Variants in CACNA1A observed in about 807,000 individuals in gnomAD.
CACNA1A encodes voltage-dependent P/Q-type calcium channel subunit alpha-1A.
In CACNA1A, 57 loss-of-function variants were observed where a neutral mutation model predicts 262.4. The ratio of observed to expected loss-of-function variants is 0.22; its 90% confidence interval spans 0.18 to 0.27. The LOEUF is 0.27. Ranked by LOEUF, CACNA1A falls within the 10% of genes least tolerant of loss-of-function variation. The pLI, the probability that CACNA1A is intolerant of heterozygous loss-of-function variation, is 1.00. For synonymous variants in CACNA1A, 1,431 were observed against 1,419.3 expected, an observed-to-expected ratio of 1.01 and a Z score of -0.18; for missense variants, 2,526 against 3,562.8, an observed-to-expected ratio of 0.71 and a Z score of 7.41.
At chr19:13,235,111 T>C (rs2055829733) in intron 33 of CACNA1A, 75 bp from the exon 34 acceptor site, 14 of 1,539,326 alleles carry the variant, frequency 9.1e-6, no homozygotes, top group Middle Eastern at 1.7e-4. Flanking sequence ...TCAACCTCCA[T>C]GGCTGCTTCT....
chr19:13,268,465 G>A (rs946738849), intron 24 of CACNA1A, among the ~76,000 whole-genome samples: 13 of 145,728 alleles, frequency 8.9e-5, no homozygotes, highest in Admixed American at 6.3e-4. Flanking sequence ...ACGGAGTCTC[G>A]CTCTGTCGCC....
At chr19:13,477,796 T>G (rs1978735150) in intron 1 of CACNA1A, among the ~76,000 whole-genome samples, 1 of 152,222 alleles carries the variant, frequency 6.6e-6, no homozygotes, top group Admixed American at 6.5e-5. Flanking sequence ...TGCCTTCAAC[T>G]ATGATCTGAA....
chr19:13,210,897 A>G (rs575386897), intron 43 of CACNA1A: 290 of 578,038 alleles, frequency 5.0e-4, no homozygotes, highest in African/African-American at 4.4e-3. Context: ...GAGGAGACAG[A>G]CAGGAGATGC....
chr19:13,373,454 C>T (rs1468843127), intron 3 of CACNA1A, among the ~76,000 whole-genome samples: 1 of 152,198 alleles, frequency 6.6e-6, no homozygotes, highest in Non-Finnish European at 1.5e-5. Context: ...AAGGGAGCAG[C>T]CCTCAACCAA....
chr19:13,233,234 C>A (rs1239314465), intron 34 of CACNA1A, among the ~76,000 whole-genome samples: 1 of 152,054 alleles, frequency 6.6e-6, no homozygotes, highest in Non-Finnish European at 1.5e-5. Flanking sequence ...TCCCCATATA[C>A]CCACTGACTC....
chr19:13,303,612 G>A lies in CACNA1A; in HGVS notation c.2106C>T (p.Tyr702=). The change falls in exon 17 of 47, where the codon TAC becomes TAT. Residue 702 remains tyrosine (Y), a splice_region_variant and synonymous_variant. Coordinates refer to ENST00000360228, the MANE Select transcript of CACNA1A (RefSeq NM_001127222.2). The stretch of plus-strand genomic sequence containing the variant: ...TGGCCAAGAACACATTCAGGAGGGT[G>A]TCTGCAAATGTCTGAGTCAGGAAAA... ...YFIVLTLFGN[Y]TLLNVFLAIA... is the part of the protein sequence containing the mutation. 6.2e-7 allele frequency: 1 copy of A among 1,611,588 alleles called. No individual in the cohort carries two copies. Among genetic ancestry groups the A allele is most frequent in the Non-Finnish European group, 8.5e-7 (1 of 1,178,752 alleles).
At chr19:13,232,931 C>G (rs1284320818) in intron 34 of CACNA1A, among the ~76,000 whole-genome samples, 6 of 151,556 alleles carry the variant, frequency 4.0e-5, no homozygotes, top group Non-Finnish European at 8.8e-5. Context: ...CACCTATAAT[C>G]TCAGCTACTC....
chr19:13,494,956 C>G (rs563613035), intron 1 of CACNA1A, among the ~76,000 whole-genome samples: 2 of 152,222 alleles, frequency 1.3e-5, no homozygotes, highest in East Asian at 3.9e-4. Flanking sequence ...AATCAGTAAT[C>G]TGTAATCTCT....
In CACNA1A at chr19:13,214,463, C is replaced by CTGGTGGA. The variant is rs1568425990; in HGVS notation, c.5839+31_5839+37dup. On this transcript the variant is annotated intron_variant, in intron 39 of 46. Transcript: ENST00000360228. The surrounding 1 kb of genome is among the most constrained non-coding windows in gnomAD (Gnocchi z 4.1). The stretch of plus-strand genomic sequence containing the variant: ...CCCTTTCCCTCCCCCTCCATCTGTC[C>CTGGTGGA]TGGTGGATTGGATCCCAGGGCTGGG... 6.3e-7 allele frequency: 1 copy of CTGGTGGA among 1,580,002 alleles called. No individual in the cohort carries two copies. The highest frequency in any genetic ancestry group is 1.3e-5 in the African/African-American group (1 of 74,346).
intron 12 of CACNA1A, 77 bp downstream of exon 12, chr19:13,312,592 T>A: frequency 1.2e-6 from 1 of 822,970 alleles, no homozygotes; most frequent in Non-Finnish European, 2.0e-6. Context: ...TTTACCTTTC[T>A]CCCTTTAATG....
intron 3 of CACNA1A, among the ~76,000 whole-genome samples, chr19:13,410,234 C>CTT (rs61281364): frequency 6.7e-6 from 1 of 148,194 alleles, no homozygotes; most frequent in Admixed American, 6.8e-5. Context: ...GGTCTCCCAT[C>CTT]TTTTTTTTTT....
intron 3 of CACNA1A, among the ~76,000 whole-genome samples, chr19:13,439,758 G>A (rs957581389): frequency 6.6e-6 from 1 of 151,960 alleles, no homozygotes; most frequent in African/African-American, 2.4e-5. Context: ...GGCTATCTTA[G>A]GCATAAAAGG....
chr19:13,223,701 CCT>C (rs913355023), intron 38 of CACNA1A, among the ~76,000 whole-genome samples: 4 of 152,160 alleles, frequency 2.6e-5, no homozygotes, highest in Admixed American at 6.5e-5. Context: ...TGTGTTCACC[CCT>C]CTGTCAGGGC....
chr19:13,401,015 G>T (rs987556984), intron 3 of CACNA1A, among the ~76,000 whole-genome samples: 4 of 152,066 alleles, frequency 2.6e-5, no homozygotes, highest in Admixed American at 2.6e-4. Context: ...TTAGAGACAG[G>T]GTTTTGCCAT....
At chr19:13,367,684 C>T (rs1423606333) in intron 4 of CACNA1A, among the ~76,000 whole-genome samples, 7 of 152,016 alleles carry the variant, frequency 4.6e-5, no homozygotes, top group African/African-American at 7.2e-5. Flanking sequence ...GCTGAGATCA[C>T]GCCATTGCAC....
chr19:13,459,802 C>T (rs948480697), intron 1 of CACNA1A, among the ~76,000 whole-genome samples: 3 of 152,110 alleles, frequency 2.0e-5, no homozygotes, highest in African/African-American at 4.8e-5. Context: ...TCCTTTGGAC[C>T]GGCTCTGGCA....
chr19:13,217,683 C>T (rs1333576846), intron 38 of CACNA1A, among the ~76,000 whole-genome samples: 1 of 152,134 alleles, frequency 6.6e-6, no homozygotes, highest in East Asian at 1.9e-4. Flanking sequence ...CAGCCAAATT[C>T]AGAGACATCT....
At chr19:13,357,404 C>T (rs1390167844) in intron 6 of CACNA1A, among the ~76,000 whole-genome samples, 2 of 152,210 alleles carry the variant, frequency 1.3e-5, no homozygotes, top group Non-Finnish European at 2.9e-5. Flanking sequence ...CCAGGTATTG[C>T]TCCCGGGTCA....
At chr19:13,237,803 C>G (rs11879418) in intron 31 of CACNA1A, among the ~76,000 whole-genome samples, 5 of 152,360 alleles carry the variant, frequency 3.3e-5, no homozygotes, top group African/African-American at 9.6e-5. Context: ...CCAGCTCCAC[C>G]TGGGGATGGG....
Sources: gnomAD v4.1 joint callset for allele counts (sites outside exome capture counted in the v4.1 genomes callset) on GRCh38, gnomAD v4.1.1 for gene constraint, Gnocchi (gnomAD v3.1) non-coding constraint, MANE v1.5 for transcripts, NCBI Gene and HGNC (gene_info 2026-07-23, HGNC 2026-07-21) for gene names.